Variants in MAFF observed in about 807,000 individuals in gnomAD.
MAFF encodes the protein MAF bZIP transcription factor F.
MAFF carries 4 observed loss-of-function variants against 2.7 expected under a neutral mutation model. That is an observed-to-expected ratio of 1.48 (90% confidence interval 0.73 to 3.39). The LOEUF (loss-of-function observed/expected upper bound fraction) is 3.39. Among genes scored for constraint, MAFF ranks in the 30% most tolerant of loss-of-function variants. The pLI, the probability that MAFF is intolerant of heterozygous loss-of-function variation, is 0.01. For missense variants in MAFF, 190 were observed against 246.6 expected (o/e 0.77, Z 1.54); for synonymous variants, 113 against 119.4 (o/e 0.95, Z 0.35).
At chr22:38,210,889 G>C (rs2091094681) in intron 1 of MAFF, among the ~76,000 whole-genome samples, 1 of 151,946 alleles carries the variant, frequency 6.6e-6, no homozygotes, top group Admixed American at 6.6e-5. Flanking sequence ...ATGAAACTCT[G>C]TCTGTACAAA....
rs80317914 is a variant in MAFF at position 38,203,454 on chromosome 22, G to T, written c.-32+1242G>T. On this transcript the variant is annotated intron_variant, in intron 1 of 2. Coordinates refer to ENST00000338483, the MANE Select transcript of MAFF (RefSeq NM_012323.4). ...GTGCCCTCACCCTGGGCCAGGCAGG[G>T]TCAGTAGGCATTGGGGATAGAACTC... 4.1e-3 allele frequency: 627 copies of T among 152,408 alleles called. 5 individuals carry two copies. Among genetic ancestry groups the T allele is most frequent in the Non-Finnish European group, 5.3e-3 (360 of 68,100 alleles). 9.4% of individuals were successfully genotyped at this position (152,408 alleles called of 1,614,324 possible). A position where few individuals can be genotyped will look rare whatever the true frequency, so the allele number is the denominator to read the frequency against.
At position 38,214,764 on chromosome 22, in the gene MAFF, C is replaced by A; in HGVS notation, c.381C>A (p.Pro127=). 7.0e-7 allele frequency: 1 copy of A among 1,429,160 alleles called. No homozygotes were observed. The highest frequency in any genetic ancestry group is 1.4e-5 in the South Asian group (1 of 70,244). 88.5% of individuals were successfully genotyped at this position (1,429,160 alleles called of 1,614,324 possible). The change falls in exon 3 of 3, where the codon CCC becomes CCA. Residue 127 remains proline (P), a synonymous_variant. Transcript: ENST00000338483. This position sits in a 1 kb window ranked among gnomAD's most constrained non-coding sequence, Gnocchi z 6.3. ...FARSVAAARG[P]ATLVAPASVI... is the part of the protein sequence containing the mutation. ...GCTCCGTGGCCGCCGCCCGCGGGCC[C>A]GCCACGCTCGTGGCGCCGGCCAGCG... is the stretch of plus-strand genomic sequence containing the variant.
rs866011254 is a variant in MAFF, at chr22:38,213,194, A to G, written c.-31-629A>G. ...TCTGTCTCAAAAAAAAAAAAAAAAA[A>G]AAAAAAAGAAAGAAAGAAAAAGAGA... is the stretch of plus-strand genomic sequence containing the variant. On this transcript the variant is annotated intron_variant, in intron 1 of 2. Transcript: ENST00000338483. Among the ~76,000 whole-genome samples, 51 of 105,796 alleles carry G rather than the reference A, an allele frequency of 4.8e-4. No homozygotes were observed. The South Asian group carries it at 0.011, about 22-fold the overall frequency. 69.4% of individuals were successfully genotyped at this position (105,796 alleles called of 152,430 possible).
chr22:38,208,867 G>C (rs1004292454), intron 1 of MAFF, among the ~76,000 whole-genome samples: 2 of 151,976 alleles, frequency 1.3e-5, no homozygotes, highest in African/African-American at 2.4e-5. Context: ...GGGGTGGGAG[G>C]TGGCTCAGAG....
At chr22:38,212,012 G>A (rs1444265328) in intron 1 of MAFF, among the ~76,000 whole-genome samples, 2 of 151,928 alleles carry the variant, frequency 1.3e-5, no homozygotes, top group East Asian at 3.9e-4. Context: ...TTTTTTTTGA[G>A]ATGGAGTCTC....
At chr22:38,208,082 C>G (rs909539300) in intron 1 of MAFF, among the ~76,000 whole-genome samples, 1 of 152,158 alleles carries the variant, frequency 6.6e-6, no homozygotes, top group Middle Eastern at 3.2e-3. Context: ...CCTGCAGTTC[C>G]CTGTGTGACC....
Position 38,214,069 on chromosome 22 carries a change from G to A in MAFF, c.36+180G>A, listed in dbSNP as rs1354875354. ...GCTGGGACCAGGAGGCCTGGGCTCT[G>A]GTCACAGGCTGCATGTCCCTGGGGT... On this transcript the variant is annotated intron_variant, in intron 2 of 2. Transcript: ENST00000338483. The surrounding 1 kb of genome is among the most constrained non-coding windows in gnomAD (Gnocchi z 6.3). Among the ~76,000 whole-genome samples the A allele has an allele frequency of 6.6e-6, 1 of 152,244 alleles. No individual in the cohort carries two copies. The highest frequency in any genetic ancestry group is 1.5e-5 in the Non-Finnish European group (1 of 68,044).
rs1305135571 is a variant in MAFF at position 38,213,411 on chromosome 22, TGGA to T, written c.-31-404_-31-402del. On this transcript the variant is annotated intron_variant, in intron 1 of 2. Coordinates refer to ENST00000338483, the MANE Select transcript of MAFF (RefSeq NM_012323.4). ...CTGCCTTCATTGGCTTCCGTTTTGG[TGGA>T]GGAGGAGTGGGAAGGAGAAACAAAT... 9.0e-6 allele frequency: 3 copies of T among 334,648 alleles called. No homozygotes were observed. In the East Asian group the frequency reaches 2.3e-4, roughly 26 times the overall value. 20.7% of individuals were successfully genotyped at this position (334,648 alleles called of 1,614,324 possible). A position where few individuals can be genotyped will look rare whatever the true frequency, so the allele number is the denominator to read the frequency against.
At chr22:38,213,925 TCCCTCCCTGCCCATG>T in intron 2 of MAFF, 36 bp downstream of exon 2, 1 of 1,610,492 alleles carries the variant, frequency 6.2e-7, no homozygotes, top group Non-Finnish European at 8.5e-7. Flanking sequence ...AGTGAAGCCC[TCCCTCCCTGCCCATG>T]CAGAGCCTCC....
In MAFF at chr22:38,214,956, G is replaced by T. The variant is rs1569000818; in HGVS notation, c.*78G>T. The T allele has an allele frequency of 1.8e-6, 2 of 1,085,718 alleles. No individual in the cohort carries two copies. The highest frequency in any genetic ancestry group is 2.8e-5 in the South Asian group (2 of 72,586). 67.3% of individuals were successfully genotyped at this position (1,085,718 alleles called of 1,614,324 possible). A position where few individuals can be genotyped will look rare whatever the true frequency, so the allele number is the denominator to read the frequency against. On this transcript the variant is annotated 3_prime_UTR_variant, in exon 3 of 3. Transcript: ENST00000338483. This position sits in a 1 kb window ranked among gnomAD's most constrained non-coding sequence, Gnocchi z 6.3. ...CAAAGTGCCTGAGCGCCGCCTCTGTGCCCAGGTCCCATTTCTCTGCAGCAC... is the reference window on the plus strand; with the variant it reads ...CAAAGTGCCTGAGCGCCGCCTCTGTTCCCAGGTCCCATTTCTCTGCAGCAC...
In MAFF at chr22:38,214,413, C is replaced by A. The variant is rs757287606; in HGVS notation, c.37-7C>A. The A allele has an allele frequency of 6.3e-7, 1 of 1,579,430 alleles. No homozygotes were observed. Among genetic ancestry groups the A allele is most frequent in the Admixed American group, 1.7e-5 (1 of 58,228 alleles). On this transcript the variant is annotated splice_region_variant and splice_polypyrimidine_tract_variant and intron_variant, in intron 2 of 2. Coordinates refer to ENST00000338483, the MANE Select transcript of MAFF (RefSeq NM_012323.4). This position sits in a 1 kb window ranked among gnomAD's most constrained non-coding sequence, Gnocchi z 6.3. Reference sequence around the variant, plus strand: ...TCCCCTGGACCTCAGTTTCCTCATGCCCGCAGATCAAGCGAGAGCTGAGCG... The same window carrying A: ...TCCCCTGGACCTCAGTTTCCTCATGACCGCAGATCAAGCGAGAGCTGAGCG...
chr22:38,203,245 G>A (rs1472441510), intron 1 of MAFF: 1 of 152,540 alleles, frequency 6.6e-6, no homozygotes, highest in Non-Finnish European at 1.5e-5. Context: ...GCAGGGAGAG[G>A]ACCACAGGCT....
At position 38,213,647 on chromosome 22, in the gene MAFF, C is replaced by T. The variant is rs1486651176; in HGVS notation, c.-31-176C>T. On this transcript the variant is annotated intron_variant, in intron 1 of 2. Transcript: ENST00000338483. ...GAGCACAGCCTGTGCACAGCTCCCG[C>T]GGCTGGAAGGAGCCATTCAAGGAGG... 7 of 684,098 alleles carry T rather than the reference C, an allele frequency of 1.0e-5. No individual in the cohort carries two copies. The East Asian group carries it at 1.1e-4, about 11-fold the overall frequency. The allele number at this position is 684,098 out of a possible 1,614,324, so 42.4% of individuals were successfully genotyped here.
At chr22:38,211,172 G>C (rs566190298) in intron 1 of MAFF, among the ~76,000 whole-genome samples, 1 of 152,184 alleles carries the variant, frequency 6.6e-6, no homozygotes, top group South Asian at 2.1e-4. Context: ...TGAGGCAGGG[G>C]AAACAAAAGG....
Position 38,214,485 on chromosome 22 carries a change from G to A in MAFF, c.102G>A (p.Val34=). 1 of 1,610,172 alleles carries A rather than the reference G, an allele frequency of 6.2e-7. No homozygotes were observed. Among genetic ancestry groups the A allele is most frequent in the Non-Finnish European group, 8.5e-7 (1 of 1,179,400 alleles). Residue 34 remains valine (V), a synonymous_variant, in exon 3 of 3, where the codon GTG becomes GTA. Transcript: ENST00000338483. This position sits in a 1 kb window ranked among gnomAD's most constrained non-coding sequence, Gnocchi z 6.3. ...ACGAGGCGCTGATGGGGCTGTCGGT[G>A]CGCGAGCTGAACCGGCATCTGCGCG... The part of the protein sequence containing the change: ...LSDEALMGLS[V]RELNRHLRGL...
rs1189974478 is a variant in MAFF at position 38,215,278 on chromosome 22, T to A, written c.*400T>A. The A allele has an allele frequency of 1.0e-5, 2 of 190,688 alleles. No homozygotes were observed. Among genetic ancestry groups the A allele is most frequent in the African/African-American group, 4.8e-5 (2 of 41,888 alleles). 11.8% of individuals were successfully genotyped at this position (190,688 alleles called of 1,614,324 possible). On this transcript the variant is annotated 3_prime_UTR_variant, in exon 3 of 3. Transcript: ENST00000338483. ...GGATTCAAAGCTAGGTTTGGCTGTCTGTGACTTACGGGACCGTCCTGCTGA... is the reference window on the plus strand; with the variant it reads ...GGATTCAAAGCTAGGTTTGGCTGTCAGTGACTTACGGGACCGTCCTGCTGA...
chr22:38,209,022 G>A (rs1168129375), intron 1 of MAFF, among the ~76,000 whole-genome samples: 1 of 151,608 alleles, frequency 6.6e-6, no homozygotes, highest in Non-Finnish European at 1.5e-5. Flanking sequence ...CCATCCTTAG[G>A]ATAGTAGGGA....
rs2091148955 is a variant in MAFF at position 38,216,237 on chromosome 22, T to TAA, written c.*1359_*1360insAA. Reference sequence around the variant, plus strand: ...AAAAAATACAAAAATTAGCCATGCATGGTGGCTCATGCCTGTAGTCCCAGC... The same window carrying TAA: ...AAAAAATACAAAAATTAGCCATGCATAAGGTGGCTCATGCCTGTAGTCCCAGC... On this transcript the variant is annotated 3_prime_UTR_variant, in exon 3 of 3. Transcript: ENST00000338483. 1 of 153,946 alleles carries TAA rather than the reference T, an allele frequency of 6.5e-6. No homozygotes were observed. Among genetic ancestry groups the TAA allele is most frequent in the Non-Finnish European group, 1.5e-5 (1 of 68,094 alleles). 9.5% of individuals were successfully genotyped at this position (153,946 alleles called of 1,614,324 possible). A position where few individuals can be genotyped will look rare whatever the true frequency, so the allele number is the denominator to read the frequency against.
Position 38,214,793 on chromosome 22 carries a change from T to C in MAFF, c.410T>C (p.Ile137Thr), listed in dbSNP as rs1357689316. The change falls in exon 3 of 3, where the codon ATC (isoleucine) becomes ACC (threonine). Residue 137 changes from isoleucine to threonine, a missense_variant. By Grantham distance (89) the Ile-to-Thr change is moderately conservative (BLOSUM62 -1). Around this residue, in one of 2 missense-constraint regions of MAFF, gnomAD observed 103 missense variants for 103.0 expected, o/e 1.00. Transcript: ENST00000338483. The surrounding 1 kb of genome is among the most constrained non-coding windows in gnomAD (Gnocchi z 6.3). The stretch of plus-strand genomic sequence containing the variant: ...ACGCTCGTGGCGCCGGCCAGCGTCA[T>C]CACCATCGTCAAGTCCACCCCGGGC... ...PATLVAPASV[I>T]TIVKSTPGSG... is the part of the protein sequence containing the mutation. The C allele has an allele frequency of 2.0e-6, 3 of 1,474,926 alleles. No homozygotes were observed. The highest frequency in any genetic ancestry group is 2.5e-5 in the Admixed American group (1 of 39,812). The allele number at this position is 1,474,926 out of a possible 1,614,324, so 91.4% of individuals were successfully genotyped here. A position where few individuals can be genotyped will look rare whatever the true frequency, so the allele number is the denominator to read the frequency against.
Sources: gnomAD v4.1 joint callset for allele counts (sites outside exome capture counted in the v4.1 genomes callset) on GRCh38, gnomAD v4.1.1 for gene constraint, gnomAD v4.1.1 regional missense constraint, Gnocchi (gnomAD v3.1) non-coding constraint, MANE v1.5 for transcripts, NCBI Gene and HGNC (gene_info 2026-07-23, HGNC 2026-07-21) for gene names.